Variants in ZNF436 observed in about 807,000 individuals in gnomAD.
The protein encoded by ZNF436 is zinc finger protein 436, also known as DNA-binding protein.
ZNF436 carries 22 observed loss-of-function variants against 41.9 expected under a neutral mutation model. The observed-to-expected ratio is 0.53, with a 90% CI of 0.38 to 0.75. The LOEUF (loss-of-function observed/expected upper bound fraction) is 0.75. ZNF436 is among the 30% of genes least tolerant of loss of function. ZNF436 has a pLI of 0.00. For missense variants in ZNF436, 506 were observed against 587.3 expected (o/e 0.86, Z 1.43); for synonymous variants, 217 against 197.8 (o/e 1.10, Z -0.82).
chr1:23,365,624 G>A (rs560412769), intron 3 of ZNF436, among the ~76,000 whole-genome samples: 1 of 151,916 alleles, frequency 6.6e-6, no homozygotes, highest in East Asian at 1.9e-4. Context: ...TGAGGCAGGA[G>A]AATTGCTTGA....
At chr1:23,368,660 C>T (rs575380471) in intron 1 of ZNF436, among the ~76,000 whole-genome samples, 20 of 152,374 alleles carry the variant, frequency 1.3e-4, no homozygotes, top group Non-Finnish European at 2.6e-4. Flanking sequence ...GACTGCAGCA[C>T]GATTAAGCTA....
rs759379265 is a variant in ZNF436, at chr1:23,362,845, T to C, written c.537A>G (p.Ser179=). The change falls in exon 4 of 4, where the codon TCA becomes TCG. Residue 179 remains serine (S), a synonymous_variant. Transcript: ENST00000314011. ...GTGTTCTTTGATGCTGAATAAGGTGTGAGCTGCGACTGAAGCCTTTTCCAC... is the reference window on the plus strand; with the variant it reads ...GTGTTCTTTGATGCTGAATAAGGTGCGAGCTGCGACTGAAGCCTTTTCCAC... ...YECGKGFSRS[S]HLIQHQRTHT... 1 of 1,614,182 alleles carries C rather than the reference T, an allele frequency of 6.2e-7. No individual in the cohort carries two copies. Among genetic ancestry groups the C allele is most frequent in the South Asian group, 1.1e-5 (1 of 91,088 alleles).
chr1:23,364,043 TAAAAAA>T (rs57254366), intron 3 of ZNF436, among the ~76,000 whole-genome samples: 2 of 149,290 alleles, frequency 1.3e-5, no homozygotes, highest in African/African-American at 2.5e-5. Context: ...CCCTGTCTCT[TAAAAAA>T]AAAACTATAT....
rs1170557125 is a variant in ZNF436 at position 23,362,851 on chromosome 1, G to A, written c.531C>T (p.Arg177=). Residue 177 remains arginine (R), a synonymous_variant, in exon 4 of 4, where the codon CGC becomes CGT. Transcript: ENST00000314011. ...KCYECGKGFS[R]SSHLIQHQRT... is the part of the protein sequence containing the mutation. ...TTTGATGCTGAATAAGGTGTGAGCT[G>A]CGACTGAAGCCTTTTCCACATTCAT... 5.0e-6 allele frequency: 8 copies of A among 1,614,102 alleles called. No individual in the cohort carries two copies. Among genetic ancestry groups the A allele is most frequent in the African/African-American group, 1.3e-5 (1 of 74,930 alleles).
intron 3 of ZNF436, among the ~76,000 whole-genome samples, chr1:23,364,705 C>T (rs1417377303): frequency 6.6e-6 from 1 of 152,186 alleles, no homozygotes; most frequent in Non-Finnish European, 1.5e-5. Context: ...ACATTCTTGG[C>T]ATTGTCTAAG....
In ZNF436 at chr1:23,362,941, G is replaced by A. The variant is rs747856019; in HGVS notation, c.441C>T (p.Phe147=). 3 of 1,614,094 alleles carry A rather than the reference G, an allele frequency of 1.9e-6. No individual in the cohort carries two copies. Among genetic ancestry groups the A allele is most frequent in the East Asian group, 2.2e-5 (1 of 44,898 alleles). The change falls in exon 4 of 4, where the codon TTC becomes TTT. Residue 147 remains phenylalanine, a synonymous_variant. Coordinates refer to ENST00000314011, the MANE Select transcript of ZNF436 (RefSeq NM_001077195.2). ...YHICSHCGKA[F]SQISDLNRHQ... The stretch of plus-strand genomic sequence containing the variant: ...GTCGATTAAGGTCTGAGATCTGACT[G>A]AAGGCCTTTCCACAATGAGAACATA...
chr1:23,368,293 G>A (rs907300446), intron 1 of ZNF436: 3 of 434,334 alleles, frequency 6.9e-6, no homozygotes, highest in South Asian at 2.9e-5. Context: ...CTCCCGCGCC[G>A]GGGGTTAGAC....
rs751848816 is a variant in ZNF436 at position 23,369,418 on chromosome 1, C to G, written c.-113G>C. ...TCGTCGTCTCCAAAACCTGAGAGAC[C>G]GCGAACGGGTTCCAGAGCCGCAGCG... is the stretch of plus-strand genomic sequence containing the variant. On this transcript the variant is annotated 5_prime_UTR_variant, in exon 1 of 4. Coordinates refer to ENST00000314011, the MANE Select transcript of ZNF436 (RefSeq NM_001077195.2). 1 of 534,650 alleles carries G rather than the reference C, an allele frequency of 1.9e-6. No homozygotes were observed. Among genetic ancestry groups the G allele is most frequent in the South Asian group, 1.4e-5 (1 of 71,582 alleles). The allele number at this position is 534,650 out of a possible 1,614,324, so 33.1% of individuals were successfully genotyped here. A position where few individuals can be genotyped will look rare whatever the true frequency, so the allele number is the denominator to read the frequency against.
At chr1:23,368,113 C>A in intron 1 of ZNF436, 48 bp from the exon 2 acceptor site, 2 of 1,282,838 alleles carry the variant, frequency 1.6e-6, no homozygotes, top group Non-Finnish European at 2.2e-6. Flanking sequence ...ACAGGCCCTG[C>A]CCACTCCCCA....
chr1:23,367,247 A>G (rs1638379342), intron 2 of ZNF436, 79 bp from the exon 3 acceptor site: 1 of 1,455,516 alleles, frequency 6.9e-7, no homozygotes, highest in Admixed American at 2.3e-5. Flanking sequence ...AATATTCAGG[A>G]GGAAAAATAT....
intron 3 of ZNF436, among the ~76,000 whole-genome samples, chr1:23,364,261 G>GA (rs1194268981): frequency 6.6e-6 from 1 of 152,072 alleles, no homozygotes; most frequent in Non-Finnish European, 1.5e-5. Context: ...TTTTGAGATG[G>GA]AATTTCACTC....
intron 1 of ZNF436, 71 bp downstream of exon 1, chr1:23,369,295 A>T (rs1638443828): frequency 2.0e-6 from 1 of 500,432 alleles, no homozygotes; most frequent in African/African-American, 2.0e-5. Flanking sequence ...GCGGGCCTTC[A>T]GGATGTTAGC....
chr1:23,369,599 C>A lies in ZNF436; in HGVS notation c.-294G>T, dbSNP rs187125393. 4.3e-5 allele frequency: 23 copies of A among 530,808 alleles called. No individual in the cohort carries two copies. The East Asian group carries it at 1.3e-3, about 29-fold the overall frequency. 32.9% of individuals were successfully genotyped at this position (530,808 alleles called of 1,614,324 possible). A position where few individuals can be genotyped will look rare whatever the true frequency, so the allele number is the denominator to read the frequency against. On this transcript the variant is annotated 5_prime_UTR_variant, in exon 1 of 4. Coordinates refer to ENST00000314011, the MANE Select transcript of ZNF436 (RefSeq NM_001077195.2). ...ACTCAGATTCCCGAGGCCTCAGACT[C>A]GCAGGCAGCTCAGAAACCACAGGCT... is the stretch of plus-strand genomic sequence containing the variant.
chr1:23,368,033 A>G lies in ZNF436; in HGVS notation c.-28T>C, dbSNP rs185973581. The G allele has an allele frequency of 2.8e-4, 457 of 1,613,622 alleles. No homozygotes were observed. The African/African-American group carries it at 5.4e-3, about 19-fold the overall frequency. On this transcript the variant is annotated 5_prime_UTR_variant, in exon 2 of 4. Coordinates refer to ENST00000314011, the MANE Select transcript of ZNF436 (RefSeq NM_001077195.2). The stretch of plus-strand genomic sequence containing the variant: ...CGAGCACAAGGGTTCGCCTCCAGGG[A>G]GAGAGAGCAGGAAAAGCAGCTAGCA...
Position 23,362,762 on chromosome 1 carries a change from GAACTTCTTCCAA to G in ZNF436, c.608_619del (p.Phe203_Ser206del). On this transcript the variant is annotated inframe_deletion, in exon 4 of 4. Coordinates refer to ENST00000314011, the MANE Select transcript of ZNF436 (RefSeq NM_001077195.2). ...GATTGTCTGATGCTGAATCAGGTGA[GAACTTCTTCCAA>G]AACTTTTCCCACACTCGTTACAGTC... is the stretch of plus-strand genomic sequence containing the variant. The G allele has an allele frequency of 1.2e-6, 2 of 1,614,206 alleles. No homozygotes were observed. Among genetic ancestry groups the G allele is most frequent in the Non-Finnish European group, 1.7e-6 (2 of 1,180,050 alleles).
Position 23,361,928 on chromosome 1 carries a change from T to C in ZNF436, c.*41A>G. 2 of 1,530,892 alleles carry C rather than the reference T, an allele frequency of 1.3e-6. No individual in the cohort carries two copies. The highest frequency in any genetic ancestry group is 2.3e-5 in the East Asian group (1 of 44,236). 94.8% of individuals were successfully genotyped at this position (1,530,892 alleles called of 1,614,324 possible). A position where few individuals can be genotyped will look rare whatever the true frequency, so the allele number is the denominator to read the frequency against. ...CGTTCATTGATATCAAATAAAATTG[T>C]ATCTTCAAATGAATCATTTCTCAGC... On this transcript the variant is annotated 3_prime_UTR_variant, in exon 4 of 4. Transcript: ENST00000314011.
chr1:23,368,795 A>G (rs1638425422), intron 1 of ZNF436, among the ~76,000 whole-genome samples: 2 of 152,130 alleles, frequency 1.3e-5, no homozygotes, highest in Non-Finnish European at 2.9e-5. Context: ...CCCCTGCTTG[A>G]CAGCACAGGC....
rs1488684882 is a variant in ZNF436, at chr1:23,369,369, C to T, written c.-64G>A. On this transcript the variant is annotated 5_prime_UTR_variant, in exon 1 of 4. Coordinates refer to ENST00000314011, the MANE Select transcript of ZNF436 (RefSeq NM_001077195.2). Reference sequence around the variant, plus strand: ...AGTGGGGGACGAACAGACTTACCTCCTGTCCCGCAAAAGATCCACTAGATC... The same window carrying T: ...AGTGGGGGACGAACAGACTTACCTCTTGTCCCGCAAAAGATCCACTAGATC... 3.7e-6 allele frequency: 2 copies of T among 534,446 alleles called. No individual in the cohort carries two copies. The highest frequency in any genetic ancestry group is 1.9e-5 in the African/African-American group (1 of 51,970). The allele number at this position is 534,446 out of a possible 1,614,324, so 33.1% of individuals were successfully genotyped here.
Position 23,367,051 on chromosome 1 carries a change from C to A in ZNF436, c.151G>T (p.Val51Phe). The change falls in exon 3 of 4, where the codon GTC becomes TTC. Residue 51 changes from valine (V) to phenylalanine (F), a missense_variant. By Grantham distance (50) the Val-to-Phe change is conservative. Transcript: ENST00000314011. Reference sequence around the variant, plus strand: ...TAGAATCCTTACTTACCTAGTGAGACAACATTTCCATAATTCTCCTGCATA... The same window carrying A: ...TAGAATCCTTACTTACCTAGTGAGAAAACATTTCCATAATTCTCCTGCATA... ...DVMQENYGNV[V>F]SLDFEIRSEN... 2 of 1,613,200 alleles carry A rather than the reference C, an allele frequency of 1.2e-6. No individual in the cohort carries two copies. Among genetic ancestry groups the A allele is most frequent in the East Asian group, 2.2e-5 (1 of 44,864 alleles).
Sources: gnomAD v4.1 joint callset for allele counts (sites outside exome capture counted in the v4.1 genomes callset) on GRCh38, gnomAD v4.1.1 for gene constraint, MANE v1.5 for transcripts, NCBI Gene and HGNC (gene_info 2026-07-23, HGNC 2026-07-21) for gene names.